The following SCLT1 variants were observed in gnomAD, a reference collection of about 807,000 sequenced individuals.
SCLT1 encodes the protein sodium channel-associated protein 1.
In SCLT1, 78 loss-of-function variants were observed where a neutral mutation model predicts 112.8. The ratio of observed to expected loss-of-function variants is 0.69; its 90% CI spans 0.58 to 0.83. The LOEUF (loss-of-function observed/expected upper bound fraction) is 0.83. Ranked by LOEUF, SCLT1 falls within the 40% of genes least tolerant of loss-of-function variation. SCLT1 has a pLI of 0.00. For missense variants in SCLT1, 747 were observed against 770.4 expected (o/e 0.97, Z 0.36); for synonymous variants, 257 against 254.7 (o/e 1.01, Z -0.09).
intron 13 of SCLT1, 33 bp downstream of exon 13, chr4:128,956,993 T>C (rs376064626): frequency 4.2e-5 from 51 of 1,223,258 alleles, no homozygotes; most frequent in Non-Finnish European, 5.6e-5. Flanking sequence ...GTGACTTAAA[T>C]TCTGAATTTT....
intron 1 of SCLT1, among the ~76,000 whole-genome samples, chr4:129,086,746 G>A (rs1234801009): frequency 1.3e-5 from 2 of 152,092 alleles, no homozygotes; most frequent in African/African-American, 2.4e-5. Flanking sequence ...AAAGACACCA[G>A]TAAAAACAAA....
intron 5 of SCLT1, among the ~76,000 whole-genome samples, chr4:129,008,544 G>T (rs1744231619): frequency 6.6e-6 from 1 of 152,052 alleles, no homozygotes; most frequent in Non-Finnish European, 1.5e-5. Context: ...TTCAGCTATT[G>T]TCTCTTCAAA....
chr4:129,029,330 T>C lies in SCLT1; in HGVS notation c.290+9711A>G, dbSNP rs1429357024. 6.6e-5 allele frequency among the ~76,000 whole-genome samples: 10 copies of C among 152,144 alleles called. No homozygotes were observed. In the East Asian group the frequency reaches 1.2e-3, roughly 18 times the overall value. On this transcript the variant is annotated intron_variant, in intron 5 of 20. Coordinates refer to ENST00000281142, the MANE Select transcript of SCLT1 (RefSeq NM_144643.4). ...AAGAAAATGTGGCACATATACACCA[T>C]GGAATACTATGCAGCCATAAAAAAT...
At chr4:129,005,766 C>G (rs1462948248) in intron 5 of SCLT1, among the ~76,000 whole-genome samples, 2 of 149,902 alleles carry the variant, frequency 1.3e-5, no homozygotes, top group Non-Finnish European at 3.0e-5. Context: ...GGAACCAACC[C>G]AAATGTCCAA....
At chr4:128,916,347 A>AAATGAC (rs1486790905) in intron 18 of SCLT1, among the ~76,000 whole-genome samples, 2 of 152,236 alleles carry the variant, frequency 1.3e-5, no homozygotes, top group Non-Finnish European at 2.9e-5. Flanking sequence ...TTTAACACAA[A>AAATGAC]AATGACATTA....
intron 18 of SCLT1, among the ~76,000 whole-genome samples, chr4:128,914,141 G>A (rs1000107272): frequency 2.1e-4 from 32 of 152,204 alleles, no homozygotes; most frequent in African/African-American, 7.7e-4. Flanking sequence ...CGAGGCAGGT[G>A]GATCATGAGG....
At chr4:128,996,859 A>G (rs1217761139) in intron 8 of SCLT1, among the ~76,000 whole-genome samples, 2 of 152,044 alleles carry the variant, frequency 1.3e-5, no homozygotes, top group Non-Finnish European at 2.9e-5. Context: ...CATCAAAATC[A>G]TAATAAAATA....
At chr4:129,018,565 T>C (rs758972370) in intron 5 of SCLT1, among the ~76,000 whole-genome samples, 41 of 152,296 alleles carry the variant, frequency 2.7e-4, no homozygotes, top group Non-Finnish European at 4.7e-4. Flanking sequence ...CTCTCAGTTC[T>C]CACTCTTCTT....
intron 18 of SCLT1, among the ~76,000 whole-genome samples, chr4:128,893,306 C>T (rs1250286107): frequency 6.6e-6 from 1 of 152,136 alleles, no homozygotes; most frequent in Non-Finnish European, 1.5e-5. Flanking sequence ...CTTTGTTACC[C>T]TTAATCTATG....
chr4:128,959,203 C>T (rs1213799776), intron 12 of SCLT1, among the ~76,000 whole-genome samples: 9 of 152,116 alleles, frequency 5.9e-5, no homozygotes, highest in Middle Eastern at 3.4e-3. Context: ...ATTAAGCTTC[C>T]GCTTTAATAA....
At chr4:128,893,438 T>C (rs1026420346) in intron 18 of SCLT1, among the ~76,000 whole-genome samples, 5 of 152,232 alleles carry the variant, frequency 3.3e-5, no homozygotes, top group African/African-American at 1.2e-4. Context: ...GTGATGATGA[T>C]AATAAGAGCA....
chr4:128,897,255 G>A (rs560033474), intron 18 of SCLT1, among the ~76,000 whole-genome samples: 2 of 152,202 alleles, frequency 1.3e-5, no homozygotes, highest in Non-Finnish European at 2.9e-5. Flanking sequence ...AGGAAAAAAT[G>A]TTAAGGGCAG....
At chr4:129,041,362 A>G (rs1311351765) in intron 4 of SCLT1, among the ~76,000 whole-genome samples, 1 of 152,228 alleles carries the variant, frequency 6.6e-6, no homozygotes, top group Non-Finnish European at 1.5e-5. Flanking sequence ...ATTTGGGTCT[A>G]AAGGACAACT....
At chr4:128,979,003 C>A (rs1046066547) in intron 9 of SCLT1, among the ~76,000 whole-genome samples, 2 of 152,080 alleles carry the variant, frequency 1.3e-5, no homozygotes, top group Non-Finnish European at 2.9e-5. Context: ...CTATTTATTA[C>A]AATGTTAATA....
intron 2 of SCLT1, among the ~76,000 whole-genome samples, chr4:129,071,311 T>A (rs1206525214): frequency 6.6e-6 from 1 of 152,174 alleles, no homozygotes; most frequent in Non-Finnish European, 1.5e-5. Flanking sequence ...CAAGGTATAG[T>A]TTAAATCCCT....
At chr4:129,047,410 A>G (rs1454340568) in intron 2 of SCLT1, among the ~76,000 whole-genome samples, 1 of 152,244 alleles carries the variant, frequency 6.6e-6, no homozygotes, top group East Asian at 1.9e-4. Context: ...CATACTAACC[A>G]AATTACTATA....
chr4:129,046,898 G>A (rs1748234539), intron 2 of SCLT1, among the ~76,000 whole-genome samples: 1 of 152,048 alleles, frequency 6.6e-6, no homozygotes, highest in African/African-American at 2.4e-5. Context: ...CCATTTACCT[G>A]ATAAATAATG....
chr4:129,068,242 T>C (rs1035548232), intron 2 of SCLT1, among the ~76,000 whole-genome samples: 1 of 152,142 alleles, frequency 6.6e-6, no homozygotes, highest in Non-Finnish European at 1.5e-5. Context: ...ATATCAGTAG[T>C]AGGATTGCTG....
rs1217848270 is a variant in SCLT1, at chr4:128,959,852, A to G, written c.870-75T>C. ...GAGGGAGATTTACTGAGCATCTACT[A>G]CAGGACAGGTATTATGCCAGTAACT... On this transcript the variant is annotated intron_variant, in intron 11 of 20. Coordinates refer to ENST00000281142, the MANE Select transcript of SCLT1 (RefSeq NM_144643.4). 14 of 1,082,266 alleles carry G rather than the reference A, an allele frequency of 1.3e-5. No individual in the cohort carries two copies. In the Admixed American group the frequency reaches 2.7e-4, roughly 21 times the overall value. The allele number at this position is 1,082,266 out of a possible 1,614,324, so 67.0% of individuals were successfully genotyped here. A position where few individuals can be genotyped will look rare whatever the true frequency, so the allele number is the denominator to read the frequency against.
Sources: gnomAD v4.1 joint callset for allele counts (sites outside exome capture counted in the v4.1 genomes callset) on GRCh38, gnomAD v4.1.1 for gene constraint, MANE v1.5 for transcripts, NCBI Gene and HGNC (gene_info 2026-07-23, HGNC 2026-07-21) for gene names.